POC1B: variants seen among roughly 807,000 people sequenced by gnomAD.
POC1B encodes the protein POC1 centriolar protein homolog B.
Under a neutral mutation model 60.6 loss-of-function variants are expected in POC1B, and 44 were observed. The observed-to-expected ratio is 0.73, with a 90% CI of 0.57 to 0.93. POC1B has a LOEUF of 0.93. POC1B is among the 40% of genes least tolerant of loss of function. POC1B has a pLI of 0.00. For synonymous variants in POC1B, 180 were observed against 198.9 expected (o/e 0.90, Z 0.80); for missense variants, 555 against 572.3 (o/e 0.97, Z 0.31).
At chr12:89,404,772 A>G in the POC1B span, among the ~76,000 whole-genome samples, 7 of 152,200 alleles carry the variant, frequency 4.6e-5, no homozygotes, top group Admixed American at 2.0e-4. Context: ...TACCTAAAAT[A>G]AACCAGATGA....
intron 2 of POC1B, chr12:89,523,000 T>C (rs758454985): frequency 2.5e-6 from 4 of 1,613,818 alleles, no homozygotes; most frequent in African/African-American, 1.3e-5. Flanking sequence ...TTTGGGACAA[T>C]TTTGCATTCC....
chr12:89,446,784 T>C (rs1353097767), intron 10 of POC1B, among the ~76,000 whole-genome samples: 2 of 151,780 alleles, frequency 1.3e-5, no homozygotes, highest in Non-Finnish European at 2.9e-5. Flanking sequence ...AATTAATTGC[T>C]GGATGAAACA....
chr12:89,492,839 A>G (rs569221277), intron 3 of POC1B, among the ~76,000 whole-genome samples: 1 of 152,146 alleles, frequency 6.6e-6, no homozygotes, highest in South Asian at 2.1e-4. Context: ...CTCCTCTTCT[A>G]TGTTGGCTCT....
intron 9 of POC1B, among the ~76,000 whole-genome samples, chr12:89,464,930 A>C (rs1467349940): frequency 1.3e-5 from 2 of 152,114 alleles, no homozygotes; most frequent in Non-Finnish European, 2.9e-5. Context: ...TTTATACTTA[A>C]TTTAAGCAGC....
rs1871003974 is a variant in POC1B at position 89,522,878 on chromosome 12, G to A, written c.100+2242C>T. 3 of 1,612,006 alleles carry A rather than the reference G, an allele frequency of 1.9e-6. No homozygotes were observed. ...TCACAAGTTCTCATTTGTACATCAG[G>A]TCGGCCCTCCGGTGTCCGATAAGCA... On this transcript the variant is annotated intron_variant, in intron 2 of 11. Transcript: ENST00000313546.
At chr12:89,524,922 C>A (rs776512461) in intron 2 of POC1B, 198 bp downstream of exon 2, 134 of 861,742 alleles carry the variant, frequency 1.6e-4, no homozygotes, top group Non-Finnish European at 2.1e-4. Flanking sequence ...GGCTCTTGGC[C>A]GGGCCGGGGG....
intron 10 of POC1B, among the ~76,000 whole-genome samples, chr12:89,444,784 G>A (rs1288977606): frequency 5.9e-5 from 9 of 152,116 alleles, no homozygotes; most frequent in Admixed American, 5.2e-4. Context: ...AGAAATAAAG[G>A]GTATTCAATT....
chr12:89,413,519 T>C, the POC1B span, among the ~76,000 whole-genome samples: 1 of 152,216 alleles, frequency 6.6e-6, no homozygotes, highest in Non-Finnish European at 1.5e-5. Flanking sequence ...AAAATACTCT[T>C]TACTACATGT....
At chr12:89,511,685 G>T (rs1193076360) in intron 2 of POC1B, among the ~76,000 whole-genome samples, 1 of 152,120 alleles carries the variant, frequency 6.6e-6, no homozygotes, top group African/African-American at 2.4e-5. Flanking sequence ...GAAATCTAAA[G>T]AAATCTATGA....
At chr12:89,497,773 T>C (rs1325803033) in intron 2 of POC1B, among the ~76,000 whole-genome samples, 4 of 152,196 alleles carry the variant, frequency 2.6e-5, no homozygotes, top group African/African-American at 9.7e-5. Flanking sequence ...ACTGTTTATG[T>C]GGAAATAATT....
rs1880498543 is a variant in POC1B, at chr12:89,420,833, T to C, written c.*320A>G. 2 of 212,276 alleles carry C rather than the reference T, an allele frequency of 9.4e-6. No homozygotes were observed. Among genetic ancestry groups the C allele is most frequent in the Non-Finnish European group, 1.9e-5 (2 of 105,752 alleles). The allele number at this position is 212,276 out of a possible 1,614,324, so 13.1% of individuals were successfully genotyped here. On this transcript the variant is annotated 3_prime_UTR_variant, in exon 12 of 12. Coordinates refer to ENST00000313546, the MANE Select transcript of POC1B (RefSeq NM_172240.3). ...AAATCCAGAGATCTGGTTACTTTCC[T>C]GGCAGGATTTGGCCTATAAATGAAA...
the POC1B span, among the ~76,000 whole-genome samples, chr12:89,412,630 TCG>T: frequency 6.2e-4 from 93 of 150,600 alleles, no homozygotes; most frequent in Admixed American, 7.3e-4. Flanking sequence ...TGAGCCGAGA[TCG>T]CACCAATGCA....
chr12:89,458,808 G>T (rs1882360280), intron 10 of POC1B, among the ~76,000 whole-genome samples: 1 of 152,130 alleles, frequency 6.6e-6, no homozygotes, highest in Admixed American at 6.5e-5. Context: ...CTTCCCATTT[G>T]TTCTTACGAT....
chr12:89,421,046 T>C lies in POC1B; in HGVS notation c.*107A>G, dbSNP rs936876320. ...CCCTTTTAAGAAATGCCATGATAAATAGCACATGGTTGTGTTGTATGGAGT... is the reference window on the plus strand; with the variant it reads ...CCCTTTTAAGAAATGCCATGATAAACAGCACATGGTTGTGTTGTATGGAGT... On this transcript the variant is annotated 3_prime_UTR_variant, in exon 12 of 12. Transcript: ENST00000313546. 30 of 782,412 alleles carry C rather than the reference T, an allele frequency of 3.8e-5. No individual in the cohort carries two copies. The highest frequency in any genetic ancestry group is 5.2e-5 in the Non-Finnish European group (27 of 516,550). The allele number at this position is 782,412 out of a possible 1,614,324, so 48.5% of individuals were successfully genotyped here.
intron 11 of POC1B, among the ~76,000 whole-genome samples, chr12:89,424,099 A>C (rs1001524081): frequency 6.6e-6 from 1 of 152,250 alleles, no homozygotes; most frequent in African/African-American, 2.4e-5. Context: ...TTCATTGAGC[A>C]AATCATATGA....
At chr12:89,504,970 A>G (rs1378703888) in intron 2 of POC1B, among the ~76,000 whole-genome samples, 1 of 152,178 alleles carries the variant, frequency 6.6e-6, no homozygotes, top group Non-Finnish European at 1.5e-5. Flanking sequence ...AAAGAATGCT[A>G]CAAATCAATA....
chr12:89,496,500 C>G (rs1869252280), intron 3 of POC1B, among the ~76,000 whole-genome samples: 1 of 152,040 alleles, frequency 6.6e-6, no homozygotes. Context: ...GAATATGAGG[C>G]AGGGGAGTGA....
chr12:89,480,089 T>C (rs1034635366), intron 4 of POC1B, among the ~76,000 whole-genome samples: 1 of 152,140 alleles, frequency 6.6e-6, no homozygotes, highest in African/African-American at 2.4e-5. Flanking sequence ...ATATTTTAAT[T>C]ACTATGGTTT....
At chr12:89,504,088 C>CGGT (rs1869771501) in intron 2 of POC1B, among the ~76,000 whole-genome samples, 1 of 142,756 alleles carries the variant, frequency 7.0e-6, no homozygotes, top group African/African-American at 2.6e-5. Flanking sequence ...GCCCGGCCAC[C>CGGT]ACCCCATCTG....
Sources: gnomAD v4.1 joint callset for allele counts (sites outside exome capture counted in the v4.1 genomes callset) on GRCh38, gnomAD v4.1.1 for gene constraint, MANE v1.5 for transcripts, NCBI Gene and HGNC (gene_info 2026-07-23, HGNC 2026-07-21) for gene names.